The following PKIB variants were observed in gnomAD, a reference collection of about 807,000 sequenced individuals.
PKIB encodes PKI-beta.
A neutral mutation model predicts 4.5 loss-of-function variants in PKIB; 2 were observed. The ratio of observed to expected loss-of-function variants is 0.44; its 90% confidence interval spans 0.18 to 1.39. The LOEUF (loss-of-function observed/expected upper bound fraction) is 1.39. Ranked by LOEUF, PKIB falls within the 40% of genes most tolerant of loss-of-function variation. The pLI, the probability that PKIB is intolerant of heterozygous loss-of-function variation, is 0.27. For missense variants in PKIB, 94 were observed against 92.6 expected (o/e 1.02, Z -0.06); for synonymous variants, 38 against 36.0 (o/e 1.06, Z -0.20).
At chr6:122,718,736 C>A (rs891197920) in intron 4 of PKIB, among the ~76,000 whole-genome samples, 1 of 152,128 alleles carries the variant, frequency 6.6e-6, no homozygotes, top group Non-Finnish European at 1.5e-5. Flanking sequence ...TTGCATCTAA[C>A]CCATTCCCGG....
intron 2 of PKIB, among the ~76,000 whole-genome samples, chr6:122,576,710 A>ATATATATATATATATATATATT (rs59569106): frequency 4.5e-5 from 5 of 110,030 alleles, no homozygotes; most frequent in African/African-American, 2.0e-4. Context: ...ATATATATAT[A>ATATATATATATATATATATATT]TTTTCTTTTG....
At chr6:122,665,570 G>A (rs1361534780) in intron 2 of PKIB, among the ~76,000 whole-genome samples, 1 of 152,094 alleles carries the variant, frequency 6.6e-6, no homozygotes, top group African/African-American at 2.4e-5. Flanking sequence ...AGTAGACTCG[G>A]GAGAGAGACC....
At chr6:122,570,405 G>A (rs1472224232) in intron 2 of PKIB, among the ~76,000 whole-genome samples, 1 of 152,058 alleles carries the variant, frequency 6.6e-6, no homozygotes, top group Non-Finnish European at 1.5e-5. Context: ...GCCTACCCAG[G>A]GATAACTCCC....
At chr6:122,577,772 G>A (rs1773589356) in intron 2 of PKIB, among the ~76,000 whole-genome samples, 1 of 151,846 alleles carries the variant, frequency 6.6e-6, no homozygotes, top group Non-Finnish European at 1.5e-5. Context: ...AGCCGGGCGT[G>A]GTGGTGGCCG....
chr6:122,492,670 C>G (rs1284180084), intron 2 of PKIB, among the ~76,000 whole-genome samples: 1 of 151,756 alleles, frequency 6.6e-6, no homozygotes, highest in Admixed American at 6.6e-5. Flanking sequence ...TTTATTGAAG[C>G]ATTTGTTCTT....
chr6:122,478,246 G>C (rs1248865072), intron 2 of PKIB: 2 of 151,972 alleles, frequency 1.3e-5, no homozygotes, highest in Non-Finnish European at 2.9e-5. Flanking sequence ...TTTTTTAATC[G>C]ACATCTCCTG....
At chr6:122,576,710 A>ATATATATTTTTT (rs59569106) in intron 2 of PKIB, among the ~76,000 whole-genome samples, 66 of 109,954 alleles carry the variant, frequency 6.0e-4, no homozygotes, top group African/African-American at 2.4e-3. Context: ...ATATATATAT[A>ATATATATTTTTT]TTTTCTTTTG....
rs371044216 is a variant in PKIB, at chr6:122,593,935, A to G, written c.-161+7928A>G. Among the ~76,000 whole-genome samples, 8 of 152,260 alleles carry G rather than the reference A, an allele frequency of 5.3e-5. 1 individual carries two copies. Among genetic ancestry groups the G allele is most frequent in the African/African-American group, 1.9e-4 (8 of 41,542 alleles). On this transcript the variant is annotated intron_variant, in intron 3 of 6. Coordinates refer to the PKIB transcript ENST00000392491. ...CAGGATCAATACTTTGTATCCTTCA[A>G]TGCAATCAAGTTGACACTCAGTATT...
intron 4 of PKIB, among the ~76,000 whole-genome samples, chr6:122,722,622 T>C (rs1325881743): frequency 1.3e-5 from 2 of 152,332 alleles, no homozygotes; most frequent in East Asian, 3.9e-4. Context: ...TTTCATATGG[T>C]TATAGAGTAC....
chr6:122,717,695 G>A, intron 3 of PKIB, 92 bp from the exon 4 acceptor site: 12 of 1,214,234 alleles, frequency 9.9e-6, no homozygotes, highest in Admixed American at 1.8e-5. Flanking sequence ...CAAGCCTGTT[G>A]TGTTTTTGAT....
At chr6:122,584,124 G>A (rs1773784951) in intron 2 of PKIB, among the ~76,000 whole-genome samples, 1 of 152,046 alleles carries the variant, frequency 6.6e-6, no homozygotes, top group African/African-American at 2.4e-5. Context: ...TTGACAGTGT[G>A]AAAAAACTAA....
At chr6:122,573,466 A>G (rs1171433327) in intron 2 of PKIB, among the ~76,000 whole-genome samples, 3 of 150,398 alleles carry the variant, frequency 2.0e-5, no homozygotes, top group Non-Finnish European at 4.4e-5. Flanking sequence ...AGGTTGCAGT[A>G]AGCTGAGATT....
At chr6:122,665,875 TA>T (rs1243188633) in intron 2 of PKIB, among the ~76,000 whole-genome samples, 1 of 152,222 alleles carries the variant, frequency 6.6e-6, no homozygotes, top group African/African-American at 2.4e-5. Flanking sequence ...TTTAACCTTC[TA>T]AAGCACAGTT....
rs78934773 is a variant in PKIB, at chr6:122,601,547, T to C, written c.-161+15540T>C. Among the ~76,000 whole-genome samples, 182 of 152,224 alleles carry C rather than the reference T, an allele frequency of 1.2e-3. 2 individuals are homozygous for C. The East Asian group carries it at 0.028, about 23-fold the overall frequency. On this transcript the variant is annotated intron_variant, in intron 3 of 6. Transcript: ENST00000392491. ...GATTTGAACTGCGTGGGTCCACTTA[T>C]CTGTAGAGTTTCTTCCACCTCTACC...
Position 122,564,136 on chromosome 6 carries a change from A to G in PKIB, c.-247-21785A>G, listed in dbSNP as rs1479937221. Among the ~76,000 whole-genome samples, 4 of 152,090 alleles carry G rather than the reference A, an allele frequency of 2.6e-5. No homozygotes were observed. The East Asian group carries it at 7.7e-4, about 29-fold the overall frequency. The stretch of plus-strand genomic sequence containing the variant: ...TTTCCAGTGGATATGTGTGTTCGGG[A>G]GAGGAAGGTTTCCCTTTCCCACTTC... On this transcript the variant is annotated intron_variant, in intron 2 of 6. Coordinates refer to the PKIB transcript ENST00000392491.
At chr6:122,607,346 C>A (rs1361013319), upstream of PKIB, among the ~76,000 whole-genome samples, 5 of 151,542 alleles carry the variant, frequency 3.3e-5, no homozygotes, top group East Asian at 7.7e-4. Flanking sequence ...AACAAAAAAA[C>A]AAAACAAAAA....
chr6:122,521,128 A>C (rs1274160143), intron 2 of PKIB, among the ~76,000 whole-genome samples: 1 of 152,146 alleles, frequency 6.6e-6, no homozygotes, highest in Non-Finnish European at 1.5e-5. Flanking sequence ...GGTGCATCTC[A>C]TCGATTTGCT....
chr6:122,589,028 A>T (rs1426481506), intron 3 of PKIB, among the ~76,000 whole-genome samples: 3 of 152,128 alleles, frequency 2.0e-5, no homozygotes, highest in African/African-American at 7.2e-5. Context: ...TTTAGTGCTG[A>T]GCCTTTATGA....
intron 2 of PKIB, among the ~76,000 whole-genome samples, chr6:122,566,828 TA>T (rs1365767107): frequency 3.3e-5 from 5 of 152,190 alleles, no homozygotes; most frequent in Admixed American, 3.3e-4. Flanking sequence ...TTTAACATTA[TA>T]AATAACACTT....
Sources: gnomAD v4.1 joint callset for allele counts (sites outside exome capture counted in the v4.1 genomes callset) on GRCh38, gnomAD v4.1.1 for gene constraint, MANE v1.5 for transcripts, NCBI Gene and HGNC (gene_info 2026-07-23, HGNC 2026-07-21) for gene names.